ZFP36L1: variants seen among roughly 807,000 people sequenced by gnomAD.
ZFP36L1 encodes ZFP36 like 1 zinc finger CCCH-type, also known as mRNA decay activator protein ZFP36L1.
In ZFP36L1, 4 loss-of-function variants were observed where a neutral mutation model predicts 16.7. The observed-to-expected ratio is 0.24, with a 90% CI of 0.12 to 0.55. The LOEUF is 0.55. Among genes scored for constraint, ZFP36L1 ranks in the 20% least tolerant of loss-of-function variants. The pLI is 0.94. For synonymous variants in ZFP36L1, 220 were observed against 190.8 expected, an observed-to-expected ratio of 1.15 and a Z score of -1.26; for missense variants, 311 against 449.2, an observed-to-expected ratio of 0.69 and a Z score of 2.78.
upstream of ZFP36L1, chr14:68,793,610 C>T: frequency 5.1e-6 from 5 of 985,936 alleles, no homozygotes; most frequent in Non-Finnish European, 6.0e-6. Context: ...CTTGAGCTGG[C>T]GGTCTCCTTG....
Position 68,789,480 on chromosome 14 carries a change from T to A in ZFP36L1, c.*53A>T. ...TGGGTAGGGAGAAGAGGGTATGGGA[T>A]GTGGGTGCAGGGTAGGGGCTGGAGT... is the stretch of plus-strand genomic sequence containing the variant. On this transcript the variant is annotated 3_prime_UTR_variant, in exon 2 of 2. Transcript: ENST00000439696. This position sits in a 1 kb window ranked among gnomAD's most constrained non-coding sequence, Gnocchi z 4.5. The A allele has an allele frequency of 1.9e-6, 3 of 1,608,384 alleles. No homozygotes were observed. Among genetic ancestry groups the A allele is most frequent in the Non-Finnish European group, 2.5e-6 (3 of 1,177,890 alleles).
chr14:68,796,076 T>C (rs745498246), upstream of ZFP36L1: 15 of 1,355,250 alleles, frequency 1.1e-5, no homozygotes, highest in Non-Finnish European at 1.5e-5. Context: ...CCGCCTCACC[T>C]GCACTGCCGC....
chr14:68,792,820 G>A (rs1460862944), intron 1 of ZFP36L1, 62 bp downstream of exon 1: 4 of 1,609,588 alleles, frequency 2.5e-6, no homozygotes, highest in Admixed American at 3.3e-5. Context: ...AACTTTTGGG[G>A]GTTCTTTCTT....
At chr14:68,795,939 A>C (rs1040293554), upstream of ZFP36L1, 1 of 1,199,800 alleles carries the variant, frequency 8.3e-7, no homozygotes. Flanking sequence ...ACAGGTGCCC[A>C]GGGGTGGCGG....
rs73279139 is a variant in ZFP36L1, at chr14:68,792,323, C to T, written c.57+559G>A. On this transcript the variant is annotated intron_variant, in intron 1 of 1. Coordinates refer to ENST00000439696, the MANE Select transcript of ZFP36L1 (RefSeq NM_004926.4). ...GGGAAGAAGCCCAACGGAGCTAGGG[C>T]GGACTCAAGCCCCACTGCAAACTTG... Among the ~76,000 whole-genome samples, 235 of 152,276 alleles carry T rather than the reference C, an allele frequency of 1.5e-3. 3 individuals are homozygous for T. The highest frequency in any genetic ancestry group is 5.5e-3 in the African/African-American group (227 of 41,534).
At position 68,789,598 on chromosome 14, in the gene ZFP36L1, A is replaced by T. The variant is rs1199127881; in HGVS notation, c.952T>A (p.Ser318Thr). The change falls in exon 2 of 2, where the codon TCC becomes ACC. Residue 318 changes from serine (S) to threonine (T), a missense_variant. By Grantham distance (58) the Ser-to-Thr change is moderately conservative. This residue lies in a region of ZFP36L1 where 147 missense variants were observed against 192.0 expected (regional missense o/e 0.77). Transcript: ENST00000439696. This position sits in a 1 kb window ranked among gnomAD's most constrained non-coding sequence, Gnocchi z 4.5. Reference protein sequence around the residue: ...SSSSSHSGSDSPTLDNSRRLP... With the variant: ...SSSSSHSGSDTPTLDNSRRLP... ...CGTCTTGAGTTGTCCAAGGTCGGGGAGTCTGAGCCACTGTGGCTGCTGCTG... is the reference window on the plus strand; with the variant it reads ...CGTCTTGAGTTGTCCAAGGTCGGGGTGTCTGAGCCACTGTGGCTGCTGCTG... 2 of 1,613,652 alleles carry T rather than the reference A, an allele frequency of 1.2e-6. No individual in the cohort carries two copies. Among genetic ancestry groups the T allele is most frequent in the Non-Finnish European group, 1.7e-6 (2 of 1,179,866 alleles).
In ZFP36L1 at chr14:68,789,222, T is replaced by A. The variant is rs1894997440; in HGVS notation, c.*311A>T. 2.9e-6 allele frequency: 1 copy of A among 347,614 alleles called. No homozygotes were observed. The highest frequency in any genetic ancestry group is 4.9e-5 in the East Asian group (1 of 20,492). 21.5% of individuals were successfully genotyped at this position (347,614 alleles called of 1,614,324 possible). ...CTCTTGTGATTTGGCACTTAAGGCT[T>A]AAGCCGGAAAAAAAAAGGCATCTAC... is the stretch of plus-strand genomic sequence containing the variant. On this transcript the variant is annotated 3_prime_UTR_variant, in exon 2 of 2. Transcript: ENST00000439696. The surrounding 1 kb of genome is among the most constrained non-coding windows in gnomAD (Gnocchi z 4.5).
upstream of ZFP36L1, among the ~76,000 whole-genome samples, chr14:68,795,371 C>T (rs1895222229): frequency 1.4e-5 from 2 of 143,838 alleles, no homozygotes; most frequent in African/African-American, 2.5e-5. Context: ...GTTCGCGAAG[C>T]TCAGCTGGGG....
upstream of ZFP36L1, chr14:68,795,978 G>A: frequency 7.6e-7 from 1 of 1,322,188 alleles, no homozygotes; most frequent in Non-Finnish European, 1.0e-6. Flanking sequence ...CAGGAAGGCC[G>A]AGGCGAGGCG....
chr14:68,793,162 A>G, upstream of ZFP36L1: 3 of 1,293,170 alleles, frequency 2.3e-6, no homozygotes, highest in Non-Finnish European at 2.0e-6. Flanking sequence ...GAAGAGGAGG[A>G]AAAAGAAGTT....
chr14:68,796,123 C>T (rs994412576), upstream of ZFP36L1: 1 of 1,365,318 alleles, frequency 7.3e-7, no homozygotes, highest in East Asian at 4.5e-5. Context: ...TCCTCTGTCC[C>T]AGGCCCGACT....
At position 68,792,875 on chromosome 14, in the gene ZFP36L1, C is replaced by G. The variant is rs778535332; in HGVS notation, c.57+7G>C. 28 of 1,614,012 alleles carry G rather than the reference C, an allele frequency of 1.7e-5. No homozygotes were observed. Among genetic ancestry groups the G allele is most frequent in the Non-Finnish European group, 2.4e-5 (28 of 1,180,008 alleles). ...TTTTGAAAAGCAAATGCTCCGCCCC[C>G]CTTTACCTTGCATAAAACTTCGCTC... is the stretch of plus-strand genomic sequence containing the variant. On this transcript the variant is annotated splice_region_variant and intron_variant, in intron 1 of 1. Transcript: ENST00000439696.
intron 1 of ZFP36L1, among the ~76,000 whole-genome samples, chr14:68,792,252 T>A: frequency 7.5e-6 from 1 of 134,056 alleles, no homozygotes; most frequent in African/African-American, 2.8e-5. Context: ...CGGGTCAACC[T>A]GAATGCCTCT....
rs1478225984 is a variant in ZFP36L1 at position 68,789,446 on chromosome 14, G to A, written c.*87C>T. 1 of 1,580,206 alleles carries A rather than the reference G, an allele frequency of 6.3e-7. No homozygotes were observed. Among genetic ancestry groups the A allele is most frequent in the Non-Finnish European group, 8.6e-7 (1 of 1,160,206 alleles). On this transcript the variant is annotated 3_prime_UTR_variant, in exon 2 of 2. Transcript: ENST00000439696. This position sits in a 1 kb window ranked among gnomAD's most constrained non-coding sequence, Gnocchi z 4.5. ...AACCTTGTTAATGTAGGGCCTGTGG[G>A]GAATGGGATGGGTAGGGAGAAGAGG...
rs1274616012 is a variant in ZFP36L1, at chr14:68,793,054, G to A, written c.-116C>T. ...CACACGCCAGTTCCCGGCGCCCCTC[G>A]CCTTTCTGACTCCGGGCTGGGGCGC... On this transcript the variant is annotated 5_prime_UTR_variant, in exon 1 of 2. Transcript: ENST00000439696. 8 of 1,593,218 alleles carry A rather than the reference G, an allele frequency of 5.0e-6. No homozygotes were observed. The South Asian group carries it at 7.7e-5, about 15-fold the overall frequency.
chr14:68,792,798 T>A, intron 1 of ZFP36L1, 84 bp downstream of exon 1: 2 of 1,587,760 alleles, frequency 1.3e-6, no homozygotes, highest in Non-Finnish European at 8.6e-7. Flanking sequence ...CCCCATTGCC[T>A]TCCAAGACCC....
At position 68,790,037 on chromosome 14, in the gene ZFP36L1, G is replaced by A; in HGVS notation, c.513C>T (p.Pro171=). 1 of 1,609,882 alleles carries A rather than the reference G, an allele frequency of 6.2e-7. No individual in the cohort carries two copies. The highest frequency in any genetic ancestry group is 8.5e-7 in the Non-Finnish European group (1 of 1,178,426). The change falls in exon 2 of 2, where the codon CCC becomes CCT. Residue 171 remains proline, a synonymous_variant. Coordinates refer to ENST00000439696, the MANE Select transcript of ZFP36L1 (RefSeq NM_004926.4). ...FHTIGFCPYG[P]RCHFIHNAEE... The stretch of plus-strand genomic sequence containing the variant: ...CAGCGTTGTGGATGAAGTGGCAGCG[G>A]GGCCCGTAGGGGCAAAAGCCGATGG...
chr14:68,793,535 T>C, upstream of ZFP36L1: 2 of 985,986 alleles, frequency 2.0e-6, no homozygotes, highest in Non-Finnish European at 2.4e-6. Flanking sequence ...GAAGGCGGGC[T>C]CGACTTTCTC....
chr14:68,791,982 C>CA, intron 1 of ZFP36L1, among the ~76,000 whole-genome samples: 1 of 152,238 alleles, frequency 6.6e-6, no homozygotes, highest in East Asian at 1.9e-4. Flanking sequence ...TTCACCCTTT[C>CA]AAATTGGGAG....
Sources: gnomAD v4.1 joint callset for allele counts (sites outside exome capture counted in the v4.1 genomes callset) on GRCh38, gnomAD v4.1.1 for gene constraint, gnomAD v4.1.1 regional missense constraint, Gnocchi (gnomAD v3.1) non-coding constraint, MANE v1.5 for transcripts, NCBI Gene and HGNC (gene_info 2026-07-23, HGNC 2026-07-21) for gene names.